Variants in ITPR1 observed in about 807,000 individuals in gnomAD.
The protein encoded by ITPR1 is inositol 1,4,5-trisphosphate receptor type 1.
Under a neutral mutation model 318.4 loss-of-function variants are expected in ITPR1, and 96 were observed. That is an observed-to-expected ratio of 0.30 (90% CI 0.26 to 0.36). The LOEUF (loss-of-function observed/expected upper bound fraction) is 0.36, where lower values mean the gene tolerates loss of function less well. Ranked by LOEUF, ITPR1 falls within the 10% of genes least tolerant of loss-of-function variation. The pLI is 1.00. For missense variants in ITPR1, 2,440 were observed against 3,460.2 expected, an observed-to-expected ratio of 0.71 and a Z score of 7.40; for synonymous variants, 1,312 against 1,289.9, an observed-to-expected ratio of 1.02 and a Z score of -0.37.
At chr3:4,780,897 A>G (rs556507928) in intron 49 of ITPR1, among the ~76,000 whole-genome samples, 1 of 152,302 alleles carries the variant, frequency 6.6e-6, no homozygotes, top group African/African-American at 2.4e-5. Flanking sequence ...GAAAATGTCA[A>G]CACCCAGTGA....
intron 39 of ITPR1, among the ~76,000 whole-genome samples, chr3:4,714,397 G>T (rs555601101): frequency 2.4e-4 from 37 of 152,264 alleles, no homozygotes; most frequent in African/African-American, 8.4e-4. Context: ...CACTTCCCTG[G>T]TGATGTCCAG....
At chr3:4,663,621 T>C (rs573582466) in intron 16 of ITPR1, among the ~76,000 whole-genome samples, 1 of 152,320 alleles carries the variant, frequency 6.6e-6, no homozygotes, top group Admixed American at 6.5e-5. Flanking sequence ...AGTGAGACAT[T>C]TGTGACAATT....
intron 7 of ITPR1, 104 bp from the exon 8 acceptor site, chr3:4,644,032 T>A: frequency 2.8e-6 from 2 of 725,676 alleles, no homozygotes; most frequent in Non-Finnish European, 5.0e-6. Flanking sequence ...GGATAGGCCT[T>A]GCCTTCTTCA....
chr3:4,496,444 C>G (rs530472155), intron 2 of ITPR1, among the ~76,000 whole-genome samples: 70 of 152,146 alleles, frequency 4.6e-4, no homozygotes, highest in Admixed American at 2.3e-3. Flanking sequence ...TCTTCATGTT[C>G]TAAGTGAATT....
At chr3:4,511,311 T>C (rs1203995863) in intron 2 of ITPR1, among the ~76,000 whole-genome samples, 1 of 152,182 alleles carries the variant, frequency 6.6e-6, no homozygotes, top group African/African-American at 2.4e-5. Flanking sequence ...CCCCCCCTTT[T>C]TTTTTACGCA....
In ITPR1 at chr3:4,662,220, AC is replaced by A; in HGVS notation, c.1392del (p.Ile465SerfsTer9). ...CATTGCTGGGAAGCTAGAGAAGGGC[AC>A]CATCACCCAGAATGAAAGGAGGTGA... ...GSIAGKLEKGTITQNERRSVT... is the reference protein window; with the variant it reads ...GSIAGKLEKGXITQNERRSVT... On this transcript the variant is annotated frameshift_variant, in exon 15 of 62. Transcript: ENST00000649015. LOFTEE classifies it high-confidence loss of function. 1 of 1,610,590 alleles carries A rather than the reference AC, an allele frequency of 6.2e-7. No individual in the cohort carries two copies. The highest frequency in any genetic ancestry group is 8.5e-7 in the Non-Finnish European group (1 of 1,177,858).
chr3:4,845,300 C>T (rs2051681140), intron 61 of ITPR1, among the ~76,000 whole-genome samples: 1 of 152,150 alleles, frequency 6.6e-6, no homozygotes, highest in Admixed American at 6.5e-5. Flanking sequence ...CTTGAATGCT[C>T]ACCCTAAAAT....
At chr3:4,523,015 T>C (rs1276143879) in intron 4 of ITPR1, among the ~76,000 whole-genome samples, 1 of 152,226 alleles carries the variant, frequency 6.6e-6, no homozygotes, top group Non-Finnish European at 1.5e-5. Flanking sequence ...TTTGAAAGCT[T>C]CTCAGGTGTT....
chr3:4,784,087 C>T (rs2047007985), intron 51 of ITPR1, among the ~76,000 whole-genome samples, 167 bp downstream of exon 51: 1 of 152,132 alleles, frequency 6.6e-6, no homozygotes, highest in South Asian at 2.1e-4. Context: ...CCAAGACAGT[C>T]ATTATTGCTG....
In ITPR1 at chr3:4,683,385, G is replaced by T. The variant is rs1209947009; in HGVS notation, c.3162-1G>T. On this transcript the variant is annotated splice_acceptor_variant, in intron 26 of 61. Coordinates refer to ENST00000649015, the MANE Select transcript of ITPR1 (RefSeq NM_001378452.1). LOFTEE classifies it high-confidence loss of function. ...CCTTTCCCCACCTTGTGCTCCTTTA[G>T]TGAGGAGAACACCCCACTGGACTTG... 6.2e-7 allele frequency: 1 copy of T among 1,614,032 alleles called. No individual in the cohort carries two copies. The highest frequency in any genetic ancestry group is 8.5e-7 in the Non-Finnish European group (1 of 1,179,872).
At chr3:4,522,227 G>A (rs192478968) in intron 4 of ITPR1, among the ~76,000 whole-genome samples, 2 of 152,240 alleles carry the variant, frequency 1.3e-5, no homozygotes, top group Admixed American at 6.5e-5. Flanking sequence ...TGGAATTGGG[G>A]ATGATTCTTT....
chr3:4,793,977 C>T (rs1030671190), intron 52 of ITPR1, among the ~76,000 whole-genome samples: 27 of 152,240 alleles, frequency 1.8e-4, no homozygotes, highest in Admixed American at 3.3e-4. Flanking sequence ...ATTATAAGGC[C>T]GTTGGATTTG....
intron 4 of ITPR1, among the ~76,000 whole-genome samples, chr3:4,584,860 G>A (rs969946211): frequency 2.6e-5 from 4 of 152,170 alleles, no homozygotes; most frequent in Admixed American, 6.5e-5. Flanking sequence ...AGGAGATGAA[G>A]CAAATGAAGA....
chr3:4,723,345 T>G (rs1300223189), intron 40 of ITPR1, among the ~76,000 whole-genome samples: 1 of 152,182 alleles, frequency 6.6e-6, no homozygotes, highest in African/African-American at 2.4e-5. Context: ...GGGATCACAT[T>G]GAAAAGTGTT....
At chr3:4,725,515 G>T in intron 40 of ITPR1, 31 bp from the exon 41 acceptor site, 1 of 1,590,674 alleles carries the variant, frequency 6.3e-7, no homozygotes, top group South Asian at 1.1e-5. Context: ...CAAGTGCCAT[G>T]ACTAACGTAC....
At chr3:4,520,255 T>G (rs188607520) in intron 3 of ITPR1, among the ~76,000 whole-genome samples, 30 of 152,312 alleles carry the variant, frequency 2.0e-4, no homozygotes, top group African/African-American at 1.2e-4. Context: ...AAAAATATAT[T>G]TTTAAGTGGT....
At chr3:4,624,322 T>G (rs2092744181) in intron 4 of ITPR1, among the ~76,000 whole-genome samples, 1 of 152,184 alleles carries the variant, frequency 6.6e-6, no homozygotes, top group African/African-American at 2.4e-5. Flanking sequence ...TTTTAAAAAG[T>G]CATGTGGTCA....
intron 61 of ITPR1, among the ~76,000 whole-genome samples, chr3:4,839,279 A>C (rs1017136451): frequency 6.6e-6 from 1 of 152,134 alleles, no homozygotes; most frequent in Non-Finnish European, 1.5e-5. Flanking sequence ...GTGAGCCGAG[A>C]TCACGTCACT....
chr3:4,722,189 G>C (rs2042211652), intron 40 of ITPR1, among the ~76,000 whole-genome samples: 1 of 152,134 alleles, frequency 6.6e-6, no homozygotes, highest in African/African-American at 2.4e-5. Flanking sequence ...GTTAGGTTTT[G>C]CTCACCTCGC....
Sources: gnomAD v4.1 joint callset for allele counts (sites outside exome capture counted in the v4.1 genomes callset) on GRCh38, gnomAD v4.1.1 for gene constraint, MANE v1.5 for transcripts, NCBI Gene and HGNC (gene_info 2026-07-23, HGNC 2026-07-21) for gene names.